The following COG5 variants were observed in gnomAD, a reference collection of about 807,000 sequenced individuals.
COG5 encodes the protein component of oligomeric golgi complex 5.
A neutral mutation model predicts 110.4 loss-of-function variants in COG5; 86 were observed. That is an observed-to-expected ratio of 0.78 (90% CI 0.65 to 0.93). COG5 has a LOEUF of 0.93. Ranked by LOEUF, COG5 falls within the 40% of genes least tolerant of loss-of-function variation. COG5 has a pLI of 0.00. For missense variants in COG5, 1,077 were observed against 987.0 expected, an observed-to-expected ratio of 1.09 and a Z score of -1.22; for synonymous variants, 360 against 334.6, an observed-to-expected ratio of 1.08 and a Z score of -0.83.
chr7:107,533,595 G>A (rs952866286), intron 5 of COG5, among the ~76,000 whole-genome samples: 1 of 151,558 alleles, frequency 6.6e-6, no homozygotes, highest in South Asian at 2.1e-4. Context: ...ATGAAATAAA[G>A]CATGAAGAAA....
chr7:107,210,684 C>A (rs1799100763), intron 20 of COG5, 79 bp from the exon 21 acceptor site: 1 of 1,446,838 alleles, frequency 6.9e-7, no homozygotes, highest in Non-Finnish European at 9.5e-7. Context: ...TCGAAAAGCA[C>A]TCTCAAGTAT....
intron 5 of COG5, among the ~76,000 whole-genome samples, chr7:107,530,361 G>T (rs1801108324): frequency 6.6e-6 from 1 of 152,078 alleles, no homozygotes; most frequent in Non-Finnish European, 1.5e-5. Context: ...CATCACTTTG[G>T]GAGGCCAAGG....
chr7:107,284,841 C>G (rs1805494240), intron 12 of COG5, among the ~76,000 whole-genome samples: 1 of 152,156 alleles, frequency 6.6e-6, no homozygotes, highest in African/African-American at 2.4e-5. Flanking sequence ...TCCCTGTTTA[C>G]AATCCTTCCA....
intron 21 of COG5, among the ~76,000 whole-genome samples, chr7:107,205,954 GTT>G (rs11310380): frequency 2.1e-5 from 3 of 143,388 alleles, no homozygotes; most frequent in African/African-American, 2.6e-5. Context: ...AAGTGTAGCT[GTT>G]TTTTTTTTTT....
chr7:107,219,256 A>C (rs1799732845), intron 19 of COG5, among the ~76,000 whole-genome samples: 1 of 152,194 alleles, frequency 6.6e-6, no homozygotes, highest in Non-Finnish European at 1.5e-5. Flanking sequence ...AAATTAATAC[A>C]ACCATTTTGG....
At chr7:107,207,204 G>T (rs542577677) in intron 21 of COG5, among the ~76,000 whole-genome samples, 73 of 152,330 alleles carry the variant, frequency 4.8e-4, no homozygotes, top group Non-Finnish European at 9.1e-4. Context: ...CTTTTCCCTG[G>T]TTCCATCCTC....
chr7:107,300,377 G>T (rs1807157308), intron 11 of COG5, among the ~76,000 whole-genome samples: 1 of 152,032 alleles, frequency 6.6e-6, no homozygotes, highest in African/African-American at 2.4e-5. Flanking sequence ...GACTGGAAAG[G>T]CACACAGTCT....
At chr7:107,532,986 T>A (rs1801319078) in intron 5 of COG5, among the ~76,000 whole-genome samples, 1 of 152,068 alleles carries the variant, frequency 6.6e-6, no homozygotes, top group South Asian at 2.1e-4. Context: ...TTTTTTCTAG[T>A]CAGTCTTTGC....
chr7:107,466,175 C>T (rs1796284454), intron 6 of COG5, among the ~76,000 whole-genome samples: 1 of 151,822 alleles, frequency 6.6e-6, no homozygotes, highest in Non-Finnish European at 1.5e-5. Context: ...TTTAGGAAGG[C>T]AAAGAGGGAT....
At chr7:107,503,378 C>T (rs1338347575) in intron 6 of COG5, among the ~76,000 whole-genome samples, 3 of 152,122 alleles carry the variant, frequency 2.0e-5, no homozygotes. Context: ...TATACCAGAA[C>T]CATGCTGTTC....
At chr7:107,374,080 G>A (rs903555525) in intron 7 of COG5, among the ~76,000 whole-genome samples, 1 of 151,912 alleles carries the variant, frequency 6.6e-6, no homozygotes, top group Admixed American at 6.5e-5. Context: ...AAATTAAAAT[G>A]TTCTAATAAA....
chr7:107,527,263 T>C lies in COG5; in HGVS notation c.512A>G (p.Lys171Arg), dbSNP rs1448664084. Residue 171 changes from lysine (K) to arginine (R), a missense_variant, in exon 6 of 22, where the codon AAA becomes AGA. By Grantham distance (26) the Lys-to-Arg change is conservative (BLOSUM62 2). Coordinates refer to ENST00000297135, the MANE Select transcript of COG5 (RefSeq NM_006348.5). ...QLQGGSREITKAAQSLNELDY... is the reference protein window; with the variant it reads ...QLQGGSREITRAAQSLNELDY... ...AAGTTCATTGAGACTCTGAGCAGCT[T>C]TTGTTATCTCTCTACTTCCCCCTTG... The C allele has an allele frequency of 1.9e-6, 3 of 1,604,246 alleles. No homozygotes were observed. The African/African-American group carries it at 4.0e-5, about 21-fold the overall frequency.
At chr7:107,503,126 T>C (rs1354276228) in intron 6 of COG5, among the ~76,000 whole-genome samples, 1 of 152,206 alleles carries the variant, frequency 6.6e-6, no homozygotes. Context: ...ACGGTTTGTA[T>C]GGCTTTGGGT....
chr7:107,257,118 T>C (rs1489087080), intron 15 of COG5, among the ~76,000 whole-genome samples: 1 of 152,162 alleles, frequency 6.6e-6, no homozygotes, highest in Non-Finnish European at 1.5e-5. Context: ...ACTCATTTCT[T>C]TCACTCATGT....
At chr7:107,412,410 A>G in intron 7 of COG5, 92 bp downstream of exon 7, 2 of 1,177,878 alleles carry the variant, frequency 1.7e-6, no homozygotes, top group Non-Finnish European at 2.5e-6. Context: ...ATATTACTAT[A>G]AGACATATAT....
At chr7:107,406,142 A>T (rs549059364) in intron 7 of COG5, among the ~76,000 whole-genome samples, 1 of 152,324 alleles carries the variant, frequency 6.6e-6, no homozygotes, top group Non-Finnish European at 1.5e-5. Context: ...ATGTCAATAA[A>T]CTATGATAAT....
chr7:107,235,442 C>T (rs777180492), intron 18 of COG5, among the ~76,000 whole-genome samples: 10 of 152,212 alleles, frequency 6.6e-5, no homozygotes, highest in East Asian at 1.9e-4. Context: ...TGGTGGCTCA[C>T]GCCTGTAATC....
chr7:107,244,956 C>T (rs903065167), intron 17 of COG5, among the ~76,000 whole-genome samples: 14 of 152,110 alleles, frequency 9.2e-5, no homozygotes, highest in Admixed American at 2.6e-4. Flanking sequence ...TTCTATGAGG[C>T]CAGCATCATC....
intron 6 of COG5, chr7:107,470,473 A>T (rs1796568092): frequency 6.6e-6 from 1 of 152,184 alleles, no homozygotes; most frequent in South Asian, 2.1e-4. Flanking sequence ...TATAGTATAC[A>T]GCTGCTTTTG....
Sources: gnomAD v4.1 joint callset for allele counts (sites outside exome capture counted in the v4.1 genomes callset) on GRCh38, gnomAD v4.1.1 for gene constraint, MANE v1.5 for transcripts, NCBI Gene and HGNC (gene_info 2026-07-23, HGNC 2026-07-21) for gene names.